PTPN21: variants seen among roughly 807,000 people sequenced by gnomAD.
The protein encoded by PTPN21 is tyrosine-protein phosphatase non-receptor type 21.
Under a neutral mutation model 131.8 loss-of-function variants are expected in PTPN21, and 77 were observed. That is an observed-to-expected ratio of 0.58 (90% CI 0.49 to 0.71). The LOEUF (loss-of-function observed/expected upper bound fraction) is 0.71. Ranked by LOEUF, PTPN21 falls within the 30% of genes least tolerant of loss-of-function variation. PTPN21 has a pLI of 0.00. For missense variants in PTPN21, 1,552 were observed against 1,527.1 expected (o/e 1.02, Z -0.27); for synonymous variants, 715 against 621.3 (o/e 1.15, Z -2.24).
At chr14:88,514,080 T>C (rs776677327) in intron 3 of PTPN21, 1 of 152,240 alleles carries the variant, frequency 6.6e-6, no homozygotes, top group Non-Finnish European at 1.5e-5. Flanking sequence ...CAATTTGTTA[T>C]ATAGTTTTTG....
rs757588861 is a variant in PTPN21, at chr14:88,549,765, A to AT, written c.180+472dup. 7.9e-3 allele frequency among the ~76,000 whole-genome samples: 1,061 copies of AT among 134,380 alleles called. 11 individuals are homozygous for AT. The highest frequency in any genetic ancestry group is 0.015 in the African/African-American group (543 of 36,070). The allele number at this position is 134,380 out of a possible 152,430, so 88.2% of individuals were successfully genotyped here. ...AGGCACCCACCACCACGCCCAGCCA[A>AT]TTTTTTTTTTTTTTTGAGCAGGTGT... On this transcript the variant is annotated intron_variant, in intron 2 of 18. Transcript: ENST00000556564.
Position 88,494,438 on chromosome 14 carries a change from CAGG to C in PTPN21, c.932+1972_932+1974del, listed in dbSNP as rs748950189. 4.6e-5 allele frequency among the ~76,000 whole-genome samples: 7 copies of C among 152,118 alleles called. No individual in the cohort carries two copies. The East Asian group carries it at 9.7e-4, about 21-fold the overall frequency. The stretch of plus-strand genomic sequence containing the variant: ...TGTCCAGCCCTTTGAGAGGCCGGGG[CAGG>C]AGGATTCCTAAAGTCCAGAAGTTTG... On this transcript the variant is annotated intron_variant, in intron 10 of 18. Transcript: ENST00000556564.
chr14:88,508,049 A>T, intron 3 of PTPN21, 29 bp from the exon 4 acceptor site: 1 of 1,247,312 alleles, frequency 8.0e-7, no homozygotes, highest in Non-Finnish European at 1.2e-6. Context: ...GTATAAGGTC[A>T]ATGTCAATAT....
intron 4 of PTPN21, 63 bp from the exon 5 acceptor site, chr14:88,505,434 C>T (rs2078072879): frequency 1.7e-6 from 2 of 1,201,488 alleles, no homozygotes; most frequent in Non-Finnish European, 2.4e-6. Context: ...ATATGCACAA[C>T]AAAATTCAAT....
chr14:88,519,555 C>T (rs533283691), intron 2 of PTPN21, among the ~76,000 whole-genome samples: 1 of 152,214 alleles, frequency 6.6e-6, no homozygotes, highest in East Asian at 1.9e-4. Context: ...ACCTGCAATC[C>T]TCATTCAAGT....
rs1375062438 is a variant in PTPN21, at chr14:88,474,917, C to A, written c.2512-1115G>T. On this transcript the variant is annotated intron_variant, in intron 13 of 18. Coordinates refer to ENST00000556564, the MANE Select transcript of PTPN21 (RefSeq NM_007039.4). Reference sequence around the variant, plus strand: ...GACCATCCTGGCCAATATGGTGAAACCCCGTCTCTACTAAAAATACAAAAA... The same window carrying A: ...GACCATCCTGGCCAATATGGTGAAAACCCGTCTCTACTAAAAATACAAAAA... Among the ~76,000 whole-genome samples, 5 of 152,174 alleles carry A rather than the reference C, an allele frequency of 3.3e-5. No homozygotes were observed. In the South Asian group the frequency reaches 1.0e-3, roughly 32 times the overall value.
In PTPN21 at chr14:88,472,247, A is replaced by AAT; in HGVS notation, c.2866_2867dup (p.Lys957LeufsTer38). On this transcript the variant is annotated frameshift_variant, in exon 15 of 19. Coordinates refer to ENST00000556564, the MANE Select transcript of PTPN21 (RefSeq NM_007039.4). LOFTEE classifies it high-confidence loss of function. ...TTACTTGAGGCGTTCCTCTCACCTT[A>AAT]ATATGTGATGCGTTGATGTAACCAG... 1 of 1,598,546 alleles carries AAT rather than the reference A, an allele frequency of 6.3e-7. No individual in the cohort carries two copies.
chr14:88,474,953 G>A (rs1437159674), intron 13 of PTPN21, among the ~76,000 whole-genome samples: 3 of 152,086 alleles, frequency 2.0e-5, no homozygotes, highest in African/African-American at 7.2e-5. Flanking sequence ...TTAGCTGGGC[G>A]TGGTGGCACA....
chr14:88,494,666 C>T (rs1421751154), intron 10 of PTPN21, among the ~76,000 whole-genome samples: 1 of 148,790 alleles, frequency 6.7e-6, no homozygotes, highest in Non-Finnish European at 1.5e-5. Context: ...CAAAAACAAA[C>T]TAAAAAAATT....
Position 88,500,763 on chromosome 14 carries a change from A to G in PTPN21, c.764+20T>C, listed in dbSNP as rs1301377661. 6.4e-7 allele frequency: 1 copy of G among 1,552,694 alleles called. No individual in the cohort carries two copies. The highest frequency in any genetic ancestry group is 8.9e-7 in the Non-Finnish European group (1 of 1,124,090). On this transcript the variant is annotated intron_variant, in intron 8 of 18. Coordinates refer to ENST00000556564, the MANE Select transcript of PTPN21 (RefSeq NM_007039.4). ...CAACAGGAGCCATAGAAAACATACA[A>G]AAAGAGGTAAGAAAAATACCTAAAT...
Position 88,485,835 on chromosome 14 carries a change from G to T in PTPN21, c.940C>A (p.Gln314Lys). The change falls in exon 11 of 19, where the codon CAG becomes AAG. Residue 314 changes from glutamine to lysine, a missense_variant. Around this residue, in one of 4 missense-constraint regions of PTPN21, gnomAD observed 1,016 missense variants for 883.5 expected, o/e 1.15. Transcript: ENST00000556564. ...YRLNQCNLQT[Q>K]TVTVNPIRRR... ...CTGATTGGGTTCACTGTGACAGTCTGAGTTTGCCTATAAAATAGGATGACT... is the reference window on the plus strand; with the variant it reads ...CTGATTGGGTTCACTGTGACAGTCTTAGTTTGCCTATAAAATAGGATGACT... The T allele has an allele frequency of 6.2e-7, 1 of 1,604,896 alleles. No homozygotes were observed.
chr14:88,489,041 G>A (rs1228990128), intron 10 of PTPN21, among the ~76,000 whole-genome samples: 1 of 152,036 alleles, frequency 6.6e-6, no homozygotes, highest in Non-Finnish European at 1.5e-5. Flanking sequence ...TAGTAGAACC[G>A]GCATTTGAAC....
rs144841537 is a variant in PTPN21 at position 88,530,850 on chromosome 14, A to G, written c.181-13589T>C. On this transcript the variant is annotated intron_variant, in intron 2 of 18. Coordinates refer to ENST00000556564, the MANE Select transcript of PTPN21 (RefSeq NM_007039.4). ...AACACAGTAATAGTGGGGGACTTCA[A>G]TACTCCACTGACAGCACTAGACAGG... Among the ~76,000 whole-genome samples, 906 of 152,326 alleles carry G rather than the reference A, an allele frequency of 5.9e-3. 11 individuals are homozygous for G. The highest frequency in any genetic ancestry group is 0.021 in the African/African-American group (876 of 41,574).
chr14:88,547,432 G>A (rs1287290309), intron 2 of PTPN21: 4 of 216,414 alleles, frequency 1.8e-5, no homozygotes, highest in African/African-American at 9.4e-5. Context: ...AAGATAACTA[G>A]AGGAAACAAC....
intron 13 of PTPN21, among the ~76,000 whole-genome samples, chr14:88,474,196 T>C (rs1421234161): frequency 1.4e-5 from 2 of 143,704 alleles, no homozygotes; most frequent in African/African-American, 2.5e-5. Context: ...AGTAAGCTTT[T>C]ATAAATTTTT....
chr14:88,524,618 C>T (rs1379092739), intron 2 of PTPN21, among the ~76,000 whole-genome samples: 2 of 152,120 alleles, frequency 1.3e-5, no homozygotes. Flanking sequence ...TTCAAAATTA[C>T]AAAACTTGCC....
Position 88,479,288 on chromosome 14 carries a change from C to T in PTPN21, c.2143G>A (p.Glu715Lys). Residue 715 changes from glutamate to lysine, a missense_variant, in exon 13 of 19, where the codon GAG (glutamate) becomes AAG (lysine). By Grantham distance (56) the Glu-to-Lys change is moderately conservative. This residue lies in a region of PTPN21 where 1,016 missense variants were observed against 883.5 expected (regional missense o/e 1.15). Transcript: ENST00000556564. ...TMLIHSSEEE[E>K]DEDFEEESGA... ...CTCTCCTCCTCGAAGTCCTCGTCCTCCTCCTCCTCGCTGCTGTGGATTAGC... is the reference window on the plus strand; with the variant it reads ...CTCTCCTCCTCGAAGTCCTCGTCCTTCTCCTCCTCGCTGCTGTGGATTAGC... 6.2e-7 allele frequency: 1 copy of T among 1,613,338 alleles called. No individual in the cohort carries two copies. The highest frequency in any genetic ancestry group is 8.5e-7 in the Non-Finnish European group (1 of 1,179,530).
At chr14:88,500,078 A>G (rs2077986274) in intron 8 of PTPN21, among the ~76,000 whole-genome samples, 1 of 152,212 alleles carries the variant, frequency 6.6e-6, no homozygotes, top group Non-Finnish European at 1.5e-5. Flanking sequence ...TTGCTTAGAT[A>G]CTGGTATTTT....
At chr14:88,499,126 C>T (rs2077968847) in intron 8 of PTPN21, among the ~76,000 whole-genome samples, 3 of 152,190 alleles carry the variant, frequency 2.0e-5, no homozygotes, top group South Asian at 4.1e-4. Flanking sequence ...TCTCCTCTCC[C>T]TGACCCCCAA....
Sources: allele counts gnomAD v4.1 joint callset (sites outside exome capture counted in the v4.1 genomes callset), GRCh38; gene constraint gnomAD v4.1.1; regional missense constraint gnomAD v4.1.1; transcripts MANE v1.5; gene names NCBI Gene and HGNC (gene_info 2026-07-23, HGNC 2026-07-21).